The following ATRN variants were observed in gnomAD, a reference collection of about 807,000 sequenced individuals.
ATRN encodes the protein attractin-2.
In ATRN, 54 loss-of-function variants were observed where a neutral mutation model predicts 178.7. That is an observed-to-expected ratio of 0.30 (90% CI 0.24 to 0.38). ATRN has a LOEUF of 0.38. ATRN is among the 10% of genes least tolerant of loss of function. The pLI, the probability that ATRN is intolerant of heterozygous loss-of-function variation, is 1.00. For missense variants in ATRN, 1,443 were observed against 1,815.1 expected (o/e 0.79, Z 3.73); for synonymous variants, 636 against 663.0 (o/e 0.96, Z 0.63).
intron 5 of ATRN, 81 bp downstream of exon 5, chr20:3,547,570 T>G: frequency 2.7e-6 from 3 of 1,092,524 alleles, no homozygotes; most frequent in Non-Finnish European, 3.9e-6. Context: ...ACTTTATTCT[T>G]AGCACCTATA....
At chr20:3,572,691 G>A (rs1172742251) in intron 11 of ATRN, 40 bp from the exon 12 acceptor site, 1 of 1,514,260 alleles carries the variant, frequency 6.6e-7, no homozygotes, top group Non-Finnish European at 9.1e-7. Context: ...ATTGTTATCT[G>A]AGTCTCTAGT....
In ATRN at chr20:3,648,068, A is replaced by C. The variant is rs1372656713; in HGVS notation, c.*1221A>C. ...TCCTCTGAACTTGTGGTTCATTCTC[A>C]GGCTGGGGTGGACTCAGATGCCAGG... On this transcript the variant is annotated 3_prime_UTR_variant, in exon 29 of 29. Coordinates refer to ENST00000262919, the MANE Select transcript of ATRN (RefSeq NM_139321.3). The C allele has an allele frequency of 6.6e-6, 1 of 152,218 alleles. No homozygotes were observed. Among genetic ancestry groups the C allele is most frequent in the African/African-American group, 2.4e-5 (1 of 41,432 alleles). 9.4% of individuals were successfully genotyped at this position (152,218 alleles called of 1,614,324 possible).
intron 1 of ATRN, among the ~76,000 whole-genome samples, chr20:3,474,613 A>C (rs1160824172): frequency 1.3e-5 from 2 of 152,002 alleles, no homozygotes; most frequent in East Asian, 3.9e-4. Flanking sequence ...AGGCTGAGGC[A>C]GGAGAATGGC....
At chr20:3,549,128 A>C in intron 5 of ATRN, 42 bp from the exon 6 acceptor site, 1 of 1,509,906 alleles carries the variant, frequency 6.6e-7, no homozygotes, top group African/African-American at 1.4e-5. Flanking sequence ...AGTAAGCTTT[A>C]AAGCTGTCTT....
At chr20:3,640,911 A>G (rs561088442) in intron 27 of ATRN, among the ~76,000 whole-genome samples, 20 of 152,228 alleles carry the variant, frequency 1.3e-4, no homozygotes, top group Non-Finnish European at 2.8e-4. Flanking sequence ...TATGCATCCA[A>G]TGGAATGTTA....
intron 1 of ATRN, among the ~76,000 whole-genome samples, chr20:3,502,012 T>C (rs1175471961): frequency 2.6e-5 from 4 of 152,162 alleles, no homozygotes. Context: ...CAATCCCTGA[T>C]TGGATTAAAG....
chr20:3,546,126 G>A (rs1481717618), intron 4 of ATRN, among the ~76,000 whole-genome samples: 1 of 152,072 alleles, frequency 6.6e-6, no homozygotes, highest in Non-Finnish European at 1.5e-5. Context: ...GTAACTGGTG[G>A]GACCACAATT....
chr20:3,626,770 A>G (rs1234112213), intron 25 of ATRN, among the ~76,000 whole-genome samples: 2 of 145,390 alleles, frequency 1.4e-5, no homozygotes, highest in Non-Finnish European at 3.0e-5. Flanking sequence ...TGAAATGCAT[A>G]TGAATTATTT....
In ATRN at chr20:3,628,163, C is replaced by G. The variant is rs185158119; in HGVS notation, c.3863+3591C>G. Among the ~76,000 whole-genome samples, 127 of 152,244 alleles carry G rather than the reference C, an allele frequency of 8.3e-4. 3 individuals are homozygous for G. The highest frequency in any genetic ancestry group is 6.8e-3 in the Middle Eastern group (2 of 294). On this transcript the variant is annotated intron_variant, in intron 25 of 28. Transcript: ENST00000262919. The stretch of plus-strand genomic sequence containing the variant: ...CTCCAACCTGGGCAACAGTGCGAGA[C>G]TCCATCTCAAAAAACAAAAAGGAGA...
intron 3 of ATRN, among the ~76,000 whole-genome samples, chr20:3,542,474 T>A (rs1484868818): frequency 1.8e-5 from 1 of 56,238 alleles, no homozygotes; most frequent in African/African-American, 1.3e-4. Context: ...CCTTTTAGAG[T>A]TTTTTTTTTT....
intron 19 of ATRN, among the ~76,000 whole-genome samples, chr20:3,594,010 G>A (rs768501760): frequency 1.6e-4 from 25 of 152,118 alleles, no homozygotes; most frequent in Non-Finnish European, 2.9e-4. Context: ...TGAGCCCTGC[G>A]GTGATTCCAA....
At chr20:3,511,747 A>G (rs1233120565) in intron 1 of ATRN, among the ~76,000 whole-genome samples, 1 of 152,170 alleles carries the variant, frequency 6.6e-6, no homozygotes, top group Non-Finnish European at 1.5e-5. Flanking sequence ...GACATGTTTT[A>G]GGACATTTGA....
chr20:3,489,290 T>G (rs1204501002), intron 1 of ATRN, among the ~76,000 whole-genome samples: 1 of 152,184 alleles, frequency 6.6e-6, no homozygotes, highest in South Asian at 2.1e-4. Flanking sequence ...ATTGTATCTT[T>G]AAATTTTTTT....
intron 1 of ATRN, among the ~76,000 whole-genome samples, chr20:3,521,492 A>G (rs948534398): frequency 2.0e-5 from 3 of 152,250 alleles, no homozygotes; most frequent in African/African-American, 7.2e-5. Context: ...TCTAAAATAC[A>G]TGAAGTACAA....
In ATRN at chr20:3,582,217, C is replaced by T; in HGVS notation, c.2627C>T (p.Thr876Ile). The T allele has an allele frequency of 6.2e-7, 1 of 1,614,146 alleles. No individual in the cohort carries two copies. The change falls in exon 16 of 29, where the codon ACA (threonine) becomes ATA (isoleucine). Residue 876 changes from threonine (T) to isoleucine (I), a missense_variant. Around this residue, in one of 4 missense-constraint regions of ATRN, gnomAD observed 212 missense variants for 330.7 expected, o/e 0.64. Transcript: ENST00000262919. Reference sequence around the variant, plus strand: ...TGCTGGGAAGATATGTCCCCATTTACAAATAGTTTACTACAGTGGATGCCG... The same window carrying T: ...TGCTGGGAAGATATGTCCCCATTTATAAATAGTTTACTACAGTGGATGCCG... ...YWCWEDMSPF[T>I]NSLLQWMPSE...
At chr20:3,574,258 T>A (rs918962229) in intron 12 of ATRN, among the ~76,000 whole-genome samples, 1 of 152,180 alleles carries the variant, frequency 6.6e-6, no homozygotes, top group Admixed American at 6.5e-5. Flanking sequence ...ATGCCGGTAA[T>A]CCCAGCACTT....
chr20:3,489,533 A>T, intron 1 of ATRN: 1 of 1,438,316 alleles, frequency 7.0e-7, no homozygotes, highest in Non-Finnish European at 9.8e-7. Flanking sequence ...TGAGCACTAG[A>T]GCAGTCCTTG....
intron 2 of ATRN, among the ~76,000 whole-genome samples, chr20:3,535,626 C>CACACACACACACACAT (rs1491226542): frequency 3.4e-4 from 39 of 115,914 alleles, no homozygotes; most frequent in Non-Finnish European, 5.0e-4. Context: ...CACACACACA[C>CACACACACACACACAT]ATATATATTT....
chr20:3,586,528 A>G (rs1300502092), intron 18 of ATRN, among the ~76,000 whole-genome samples: 1 of 152,062 alleles, frequency 6.6e-6, no homozygotes, highest in Non-Finnish European at 1.5e-5. Flanking sequence ...ACAAAAGATT[A>G]TGCATTGCAT....
Sources: gnomAD v4.1 joint callset for allele counts (sites outside exome capture counted in the v4.1 genomes callset) on GRCh38, gnomAD v4.1.1 for gene constraint, gnomAD v4.1.1 regional missense constraint, MANE v1.5 for transcripts, NCBI Gene and HGNC (gene_info 2026-07-23, HGNC 2026-07-21) for gene names.